MRAS: variants seen among roughly 807,000 people sequenced by gnomAD.
MRAS encodes the protein muscle RAS oncogene homolog, also known as ras-related protein M-Ras.
Under a neutral mutation model 20.9 loss-of-function variants are expected in MRAS, and 4 were observed. The ratio of observed to expected loss-of-function variants is 0.19; its 90% CI spans 0.09 to 0.44. The LOEUF is 0.44. Ranked by LOEUF, MRAS falls within the 20% of genes least tolerant of loss-of-function variation. The probability of loss-of-function intolerance (pLI) is 0.99; values close to 1 mark genes in which losing one functional copy is unlikely to be tolerated. For missense variants in MRAS, 154 were observed against 277.5 expected (o/e 0.56, Z 3.16); for synonymous variants, 98 against 102.9 (o/e 0.95, Z 0.29).
At chr3:138,373,129 C>A in intron 2 of MRAS, 53 bp downstream of exon 2, 1 of 1,356,202 alleles carries the variant, frequency 7.4e-7, no homozygotes, top group Non-Finnish European at 9.7e-7. Flanking sequence ...TGGGGAGGAT[C>A]AGGGAAATTT....
In MRAS at chr3:138,384,560, T is replaced by C. The variant is rs1345838874; in HGVS notation, c.193+11484T>C. On this transcript the variant is annotated intron_variant, in intron 2 of 5. Transcript: ENST00000423968. ...GTGAAAAACAAGTTTTGAGGGGAAA[T>C]CAAGAGTCTAATTTTGGACGTGTTA... Among the ~76,000 whole-genome samples the C allele has an allele frequency of 2.0e-5, 3 of 152,080 alleles. No homozygotes were observed. In the East Asian group the frequency reaches 5.8e-4, roughly 29 times the overall value.
At chr3:138,351,979 A>G (rs2054237452) in intron 1 of MRAS, among the ~76,000 whole-genome samples, 1 of 152,220 alleles carries the variant, frequency 6.6e-6, no homozygotes, top group Non-Finnish European at 1.5e-5. Context: ...TGGCAGACCT[A>G]TTCTGTAAGC....
chr3:138,376,329 A>G (rs1025619022), intron 2 of MRAS, among the ~76,000 whole-genome samples: 1 of 152,172 alleles, frequency 6.6e-6, no homozygotes, highest in African/African-American at 2.4e-5. Context: ...AGTCATTTCT[A>G]TGCCCAACTC....
intron 2 of MRAS, among the ~76,000 whole-genome samples, chr3:138,395,929 C>T (rs1465989195): frequency 6.6e-6 from 1 of 152,222 alleles, no homozygotes; most frequent in Non-Finnish European, 1.5e-5. Flanking sequence ...CATGAGTAGA[C>T]AGGTGACTGG....
chr3:138,374,458 A>G (rs1378140709), intron 2 of MRAS, among the ~76,000 whole-genome samples: 1 of 152,242 alleles, frequency 6.6e-6, no homozygotes, highest in African/African-American at 2.4e-5. Flanking sequence ...AAACTCAGTT[A>G]CTAGTTCTAG....
chr3:138,347,928 G>A (rs2054150939), upstream of MRAS: 1 of 152,194 alleles, frequency 6.6e-6, no homozygotes, highest in Non-Finnish European at 1.5e-5. Context: ...ATTTTATGGT[G>A]TTGAATTATA....
At chr3:138,357,521 C>A (rs561316523) in intron 1 of MRAS, among the ~76,000 whole-genome samples, 1 of 152,336 alleles carries the variant, frequency 6.6e-6, no homozygotes, top group South Asian at 2.1e-4. Flanking sequence ...AGAGGTACAT[C>A]CCCCAGTATT....
At chr3:138,349,458 G>C (rs1419809236) in intron 1 of MRAS, 2 of 152,430 alleles carry the variant, frequency 1.3e-5, no homozygotes, top group Non-Finnish European at 2.9e-5. Context: ...GGTGAGAGAA[G>C]GCCGCCTAGA....
chr3:138,379,001 C>T (rs2054843680), intron 2 of MRAS, among the ~76,000 whole-genome samples: 1 of 152,136 alleles, frequency 6.6e-6, no homozygotes, highest in South Asian at 2.1e-4. Context: ...GCATATCCAT[C>T]ACCTCAAACA....
chr3:138,388,106 T>G (rs918483359), intron 2 of MRAS, among the ~76,000 whole-genome samples: 1 of 152,190 alleles, frequency 6.6e-6, no homozygotes, highest in African/African-American at 2.4e-5. Context: ...GTCCTGGCTG[T>G]CTGCACCCTG....
chr3:138,371,904 C>CT (rs2054682075), intron 1 of MRAS, among the ~76,000 whole-genome samples: 1 of 152,142 alleles, frequency 6.6e-6, no homozygotes, highest in African/African-American at 2.4e-5. Context: ...CCTGCCTCTC[C>CT]TCCTTGTCAC....
intron 2 of MRAS, among the ~76,000 whole-genome samples, chr3:138,382,549 T>TTGC (rs1053791501): frequency 6.6e-6 from 1 of 152,118 alleles, no homozygotes; most frequent in African/African-American, 2.4e-5. Context: ...CACTGGAAAA[T>TTGC]TGCTGCTGCT....
At chr3:138,363,055 G>T (rs1434440564) in intron 1 of MRAS, among the ~76,000 whole-genome samples, 2 of 147,324 alleles carry the variant, frequency 1.4e-5, no homozygotes, top group Non-Finnish European at 3.0e-5. Flanking sequence ...GTTTTTTTTT[G>T]AGACGGAGTC....
chr3:138,372,604 A>C (rs2108519580), intron 1 of MRAS, among the ~76,000 whole-genome samples: 1 of 152,368 alleles, frequency 6.6e-6, no homozygotes, highest in Admixed American at 6.5e-5. Flanking sequence ...CTTGCTAAAC[A>C]AGACCAGTGG....
At chr3:138,379,778 A>G (rs111662207) in intron 2 of MRAS, among the ~76,000 whole-genome samples, 15 of 152,324 alleles carry the variant, frequency 9.8e-5, no homozygotes, top group South Asian at 2.1e-4. Context: ...GACTAGCGCT[A>G]TGATAAACAT....
intron 2 of MRAS, among the ~76,000 whole-genome samples, chr3:138,374,345 A>G (rs538033382): frequency 5.8e-4 from 89 of 152,208 alleles, no homozygotes; most frequent in African/African-American, 2.0e-3. Context: ...GCTACCGTAA[A>G]TTATTATTTT....
intron 2 of MRAS, among the ~76,000 whole-genome samples, chr3:138,388,441 G>A (rs950707770): frequency 3.3e-5 from 5 of 152,340 alleles, no homozygotes; most frequent in Admixed American, 2.6e-4. Context: ...GCTCACGCCT[G>A]TAATCCTTGC....
intron 1 of MRAS, among the ~76,000 whole-genome samples, chr3:138,360,218 G>C (rs753114224): frequency 1.1e-4 from 16 of 152,220 alleles, no homozygotes; most frequent in Non-Finnish European, 2.9e-5. Context: ...CAAAGCAGTT[G>C]AGATGGGGGG....
intron 1 of MRAS, among the ~76,000 whole-genome samples, chr3:138,360,861 C>T (rs2054432244): frequency 6.6e-6 from 1 of 152,226 alleles, no homozygotes; most frequent in African/African-American, 2.4e-5. Context: ...TCCACTGTCC[C>T]ACTAGCAGAG....
Sources: gnomAD v4.1 joint callset for allele counts (sites outside exome capture counted in the v4.1 genomes callset) on GRCh38, gnomAD v4.1.1 for gene constraint, MANE v1.5 for transcripts, NCBI Gene and HGNC (gene_info 2026-07-23, HGNC 2026-07-21) for gene names.